SMYD1: variants seen among roughly 807,000 people sequenced by gnomAD.
SMYD1 encodes SET and MYND domain containing 1, also known as histone-lysine N-methyltransferase SMYD1.
A neutral mutation model predicts 54.0 loss-of-function variants in SMYD1; 49 were observed. That is an observed-to-expected ratio of 0.91 (90% CI 0.72 to 1.15). The LOEUF (loss-of-function observed/expected upper bound fraction) is 1.15. Ranked by LOEUF, SMYD1 falls within the 50% of genes most tolerant of loss-of-function variation. The pLI, the probability that SMYD1 is intolerant of heterozygous loss-of-function variation, is 0.00. For synonymous variants in SMYD1, 269 were observed against 234.2 expected, an observed-to-expected ratio of 1.15 and a Z score of -1.36; for missense variants, 653 against 639.6, an observed-to-expected ratio of 1.02 and a Z score of -0.23.
chr2:88,092,144 C>T (rs1674476608), intron 4 of SMYD1, among the ~76,000 whole-genome samples: 1 of 152,100 alleles, frequency 6.6e-6, no homozygotes, highest in Non-Finnish European at 1.5e-5. Flanking sequence ...TAGTCCAACC[C>T]CTCATTCCCC....
intron 6 of SMYD1, 90 bp downstream of exon 6, chr2:88,096,874 C>A: frequency 7.6e-7 from 1 of 1,311,728 alleles, no homozygotes; most frequent in Non-Finnish European, 1.0e-6. Flanking sequence ...TGTGCCCTGC[C>A]CATGAGCTTC....
In SMYD1 at chr2:88,093,563, A is replaced by G. The variant is rs1045550323; in HGVS notation, c.698+8A>G. 1.2e-6 allele frequency: 2 copies of G among 1,614,170 alleles called. No homozygotes were observed. ...GTTTCATACCCAGATGAGGTGGGTC[A>G]GTCCTTTCAAGCATCCCTGCTCCTC... On this transcript the variant is annotated splice_region_variant and intron_variant, in intron 5 of 9. Transcript: ENST00000419482.
rs576169262 is a variant in SMYD1 at position 88,099,879 on chromosome 2, GC to G, written c.888+3098del. ...CTCTGGCTCCTCCCGCGTTCATCTG[GC>G]CCTTCCCCCTTTCATCTGGCCCTCC... On this transcript the variant is annotated intron_variant, in intron 6 of 9. Transcript: ENST00000419482. 1.5e-3 allele frequency among the ~76,000 whole-genome samples: 229 copies of G among 149,624 alleles called. 1 individual carries two copies. Among genetic ancestry groups the G allele is most frequent in the African/African-American group, 5.5e-3 (222 of 40,446 alleles).
In SMYD1 at chr2:88,112,861, T is replaced by G. The variant is rs1376564326; in HGVS notation, c.*2349T>G. The G allele has an allele frequency of 6.6e-6, 1 of 152,474 alleles. No individual in the cohort carries two copies. Among genetic ancestry groups the G allele is most frequent in the African/African-American group, 2.4e-5 (1 of 41,460 alleles). The allele number at this position is 152,474 out of a possible 1,614,324, so 9.4% of individuals were successfully genotyped here. A position where few individuals can be genotyped will look rare whatever the true frequency, so the allele number is the denominator to read the frequency against. ...CTGCCCCTGACATATTGACATTTCC[T>G]GGAGTTGGTTTTGTCCTTGATTCAT... On this transcript the variant is annotated 3_prime_UTR_variant, in exon 10 of 10. Coordinates refer to ENST00000419482, the MANE Select transcript of SMYD1 (RefSeq NM_198274.4).
intron 1 of SMYD1, among the ~76,000 whole-genome samples, chr2:88,077,722 C>CTTT (rs1168525311): frequency 6.3e-5 from 8 of 126,198 alleles, no homozygotes; most frequent in African/African-American, 1.8e-4. Flanking sequence ...GTGGGCATTT[C>CTTT]TTTTTTTTTT....
intron 4 of SMYD1, among the ~76,000 whole-genome samples, chr2:88,092,894 T>A (rs1451774163): frequency 6.6e-6 from 1 of 152,252 alleles, no homozygotes; most frequent in Non-Finnish European, 1.5e-5. Context: ...CTTTCTTCTG[T>A]GTCTGCTCTG....
chr2:88,075,631 G>A (rs548506835), intron 1 of SMYD1, among the ~76,000 whole-genome samples: 1 of 146,552 alleles, frequency 6.8e-6, no homozygotes, highest in African/African-American at 2.5e-5. Flanking sequence ...TCTACCTGCT[G>A]GGCCCAAGCC....
rs185486388 is a variant in SMYD1, at chr2:88,080,869, A to G, written c.138-3447A>G. 2.6e-5 allele frequency among the ~76,000 whole-genome samples: 4 copies of G among 152,212 alleles called. No homozygotes were observed. In the East Asian group the frequency reaches 7.8e-4, roughly 29 times the overall value. ...CCAAGTTAAAAAATTCAGTGTCACA[A>G]AGGAGCTTTTGAGCTGATGGATATA... On this transcript the variant is annotated intron_variant, in intron 1 of 9. Coordinates refer to ENST00000419482, the MANE Select transcript of SMYD1 (RefSeq NM_198274.4).
chr2:88,091,268 A>G, intron 4 of SMYD1, 126 bp downstream of exon 4: 1 of 1,008,622 alleles, frequency 9.9e-7, no homozygotes, highest in Non-Finnish European at 1.4e-6. Flanking sequence ...AATGTATAGC[A>G]CATAGAAATC....
intron 1 of SMYD1, among the ~76,000 whole-genome samples, chr2:88,070,550 A>G (rs1336894412): frequency 6.6e-6 from 1 of 152,226 alleles, no homozygotes; most frequent in Non-Finnish European, 1.5e-5. Flanking sequence ...AACCAACTTA[A>G]CTAGAATATT....
intron 1 of SMYD1, among the ~76,000 whole-genome samples, chr2:88,075,503 G>A (rs1032189500): frequency 6.6e-6 from 1 of 151,540 alleles, no homozygotes; most frequent in East Asian, 1.9e-4. Flanking sequence ...CAATCTCCAG[G>A]CTTGATCCAA....
At position 88,106,628 on chromosome 2, in the gene SMYD1, G is replaced by A. The variant is rs1674877649; in HGVS notation, c.1145+140G>A. On this transcript the variant is annotated intron_variant, in intron 8 of 9. Transcript: ENST00000419482. ...AGTAATCCATCATGGTTCTCTTTTT[G>A]ACTGAGTCTTTTTATCATGGTGCTC... 3.5e-6 allele frequency: 3 copies of A among 863,186 alleles called. No individual in the cohort carries two copies. The Admixed American group carries it at 8.2e-5, about 24-fold the overall frequency. The allele number at this position is 863,186 out of a possible 1,614,324, so 53.5% of individuals were successfully genotyped here. A position where few individuals can be genotyped will look rare whatever the true frequency, so the allele number is the denominator to read the frequency against.
At chr2:88,070,332 C>T (rs1270823216) in intron 1 of SMYD1, among the ~76,000 whole-genome samples, 3 of 152,144 alleles carry the variant, frequency 2.0e-5, no homozygotes, top group African/African-American at 7.2e-5. Flanking sequence ...ACAAAACTGG[C>T]TTGTTTTAAT....
intron 1 of SMYD1, among the ~76,000 whole-genome samples, chr2:88,072,246 G>A (rs1485338734): frequency 2.0e-5 from 3 of 152,054 alleles, no homozygotes; most frequent in Non-Finnish European, 2.9e-5. Flanking sequence ...TGCCACCTGG[G>A]CTCAAGTGAT....
chr2:88,103,233 A>C (rs2104011066), intron 7 of SMYD1, 83 bp downstream of exon 7: 1,263 of 804,556 alleles, frequency 1.6e-3, no homozygotes, highest in East Asian at 3.8e-3. Flanking sequence ...TGGCGTGAGA[A>C]CGGGCGGCGG....
chr2:88,069,650 G>A (rs758810072), intron 1 of SMYD1, among the ~76,000 whole-genome samples: 3 of 152,162 alleles, frequency 2.0e-5, no homozygotes, highest in Non-Finnish European at 4.4e-5. Context: ...GGTTAAAGTT[G>A]AATGGGCTTT....
intron 3 of SMYD1, among the ~76,000 whole-genome samples, chr2:88,090,146 C>T (rs1674432263): frequency 6.6e-6 from 1 of 152,200 alleles, no homozygotes; most frequent in Admixed American, 6.5e-5. Context: ...GGCTTAACAT[C>T]ATGAACTTAC....
intron 4 of SMYD1, among the ~76,000 whole-genome samples, chr2:88,092,514 G>C (rs1674485507): frequency 6.6e-6 from 1 of 152,216 alleles, no homozygotes; most frequent in Admixed American, 6.5e-5. Context: ...AATGGTGTCT[G>C]GTTCTCAGCT....
At chr2:88,107,747 G>A (rs62156977) in intron 8 of SMYD1, among the ~76,000 whole-genome samples, 28,444 of 152,216 alleles carry the variant, frequency 0.19, 3,257 homozygotes, top group Non-Finnish European at 0.26. Context: ...CGAGCGAGGC[G>A]TGGGATATAA....
Sources: allele counts gnomAD v4.1 joint callset (sites outside exome capture counted in the v4.1 genomes callset), GRCh38; gene constraint gnomAD v4.1.1; transcripts MANE v1.5; gene names NCBI Gene and HGNC (gene_info 2026-07-23, HGNC 2026-07-21).